PLPP5: variants seen among roughly 807,000 people sequenced by gnomAD.
PLPP5 encodes the protein phospholipid phosphatase 5.
A neutral mutation model predicts 23.6 loss-of-function variants in PLPP5; 29 were observed. The observed-to-expected ratio is 1.23, with a 90% confidence interval of 0.92 to 1.68. The LOEUF is 1.68. Among genes scored for constraint, PLPP5 ranks in the 40% most tolerant of loss-of-function variants. PLPP5 has a pLI of 0.00. For synonymous variants in PLPP5, 143 were observed against 131.3 expected (o/e 1.09, Z -0.61); for missense variants, 315 against 332.1 (o/e 0.95, Z 0.40).
intron 6 of PLPP5, chr8:38,265,039 C>T: frequency 1.2e-6 from 1 of 863,014 alleles, no homozygotes; most frequent in Non-Finnish European, 2.0e-6. Flanking sequence ...GAGGACCAGG[C>T]AGATGGATCC....
Position 38,267,897 on chromosome 8 carries a change from CT to C in PLPP5, c.337del (p.Arg113GlyfsTer15), listed in dbSNP as rs1316293115. 1 of 1,613,876 alleles carries C rather than the reference CT, an allele frequency of 6.2e-7. No individual in the cohort carries two copies. Among genetic ancestry groups the C allele is most frequent in the African/African-American group, 1.3e-5 (1 of 74,932 alleles). Reference protein sequence around the residue: ...FTNTIKLIVGRPRPDFFYRCF... With the variant: ...FTNTIKLIVGXPRPDFFYRCF... ...GGGGTGGTTAGCTGTTGTCACTTAC[CT>C]CCCTACGATCAGTTTTATTGTGTTG... is the stretch of plus-strand genomic sequence containing the variant. On this transcript the variant is annotated frameshift_variant and splice_region_variant, in exon 4 of 7. Coordinates refer to ENST00000424479, the MANE Select transcript of PLPP5 (RefSeq NM_001102559.2). LOFTEE classifies it high-confidence loss of function.
At chr8:38,267,497 C>T in intron 4 of PLPP5, 106 bp from the exon 5 acceptor site, 1 of 1,367,290 alleles carries the variant, frequency 7.3e-7, no homozygotes, top group Non-Finnish European at 1.0e-6. Flanking sequence ...AAATAGTGCC[C>T]CAGGCAAAAT....
chr8:38,266,406 A>G (rs899955970), intron 5 of PLPP5, 95 bp from the exon 6 acceptor site: 13 of 1,179,386 alleles, frequency 1.1e-5, no homozygotes, highest in Middle Eastern at 2.9e-4. Flanking sequence ...GTATGTTTTT[A>G]TTTATTTATT....
chr8:38,265,513 A>C, intron 6 of PLPP5: 1 of 151,558 alleles, frequency 6.6e-6, no homozygotes, highest in East Asian at 2.0e-4. Flanking sequence ...CTGGTCTTCA[A>C]CTCCTGACCT....
chr8:38,265,051 G>A (rs767044880), intron 6 of PLPP5: 30 of 799,218 alleles, frequency 3.8e-5, no homozygotes, highest in Non-Finnish European at 6.2e-5. Context: ...GATGGATCCC[G>A]AGGTCAGGAG....
At chr8:38,267,015 T>C in intron 5 of PLPP5, 3 of 1,381,968 alleles carry the variant, frequency 2.2e-6, no homozygotes, top group East Asian at 5.3e-5. Flanking sequence ...TAGTACAAGA[T>C]TGCAGGATCT....
At position 38,264,993 on chromosome 8, in the gene PLPP5, G is replaced by A. The variant is rs748146050; in HGVS notation, c.635-389C>T. 7 of 1,371,608 alleles carry A rather than the reference G, an allele frequency of 5.1e-6. No individual in the cohort carries two copies. The Admixed American group carries it at 8.4e-5, about 16-fold the overall frequency. The allele number at this position is 1,371,608 out of a possible 1,614,324, so 85.0% of individuals were successfully genotyped here. On this transcript the variant is annotated intron_variant, in intron 6 of 6. Transcript: ENST00000424479. The stretch of plus-strand genomic sequence containing the variant: ...TATTTTAAGAGTTGCTTCTCGCCGG[G>A]CACGGTGACTCACGCCTGTAATCCC...
Position 38,267,296 on chromosome 8 carries a change from C to A in PLPP5, c.434G>T (p.Arg145Leu), listed in dbSNP as rs1330506362. 1 of 1,613,884 alleles carries A rather than the reference C, an allele frequency of 6.2e-7. No individual in the cohort carries two copies. Among genetic ancestry groups the A allele is most frequent in the African/African-American group, 1.3e-5 (1 of 74,914 alleles). Residue 145 changes from arginine (R) to leucine (L), a missense_variant, in exon 5 of 7, where the codon CGA becomes CTA. Transcript: ENST00000424479. ...AGAATGTCCACTGGGGAAGCTCTTT[C>A]GGCCCTCATTCACCACGTCCTTATC... ...TGDKDVVNEG[R>L]KSFPSGHSSF... is the part of the protein sequence containing the mutation.
Position 38,264,137 on chromosome 8 carries a change from T to C in PLPP5, c.*307A>G, listed in dbSNP as rs540113617. ...GGAGGGCTAGTTCACCTGTTCTCTA[T>C]TGAGATAGATTCAATTTTTTTTTTT... On this transcript the variant is annotated 3_prime_UTR_variant, in exon 7 of 7. Coordinates refer to ENST00000424479, the MANE Select transcript of PLPP5 (RefSeq NM_001102559.2). The C allele has an allele frequency of 8.2e-5, 84 of 1,029,364 alleles. No individual in the cohort carries two copies. The African/African-American group carries it at 1.3e-3, about 16-fold the overall frequency. 63.8% of individuals were successfully genotyped at this position (1,029,364 alleles called of 1,614,324 possible). A position where few individuals can be genotyped will look rare whatever the true frequency, so the allele number is the denominator to read the frequency against.
Position 38,267,905 on chromosome 8 carries a change from G to T in PLPP5, c.330C>A (p.Ile110=). The part of the protein sequence containing the change: ...NGVFTNTIKL[I]VGRPRPDFFY... ...TAGCTGTTGTCACTTACCTCCCTAC[G>T]ATCAGTTTTATTGTGTTGGTAAAGA... Residue 110 remains isoleucine, a synonymous_variant, in exon 4 of 7, where the codon ATC becomes ATA. Coordinates refer to ENST00000424479, the MANE Select transcript of PLPP5 (RefSeq NM_001102559.2). 6.2e-7 allele frequency: 1 copy of T among 1,613,962 alleles called. No homozygotes were observed. The highest frequency in any genetic ancestry group is 1.1e-5 in the South Asian group (1 of 91,064).
chr8:38,266,338 T>C, intron 5 of PLPP5, 27 bp from the exon 6 acceptor site: 1 of 1,595,744 alleles, frequency 6.3e-7, no homozygotes, highest in African/African-American at 1.3e-5. Flanking sequence ...TTTTAAGTGG[T>C]TTGTCTTTTA....
chr8:38,263,552 G>A lies in PLPP5; in HGVS notation c.*892C>T, dbSNP rs1442917968. On this transcript the variant is annotated 3_prime_UTR_variant, in exon 7 of 7. Transcript: ENST00000424479. ...TTTTCACTTAGTAATTCAACAAATT[G>A]TTTATGCCCACGGTGTTCAAAATGC... 1.0e-6 allele frequency: 1 copy of A among 985,344 alleles called. No homozygotes were observed. The highest frequency in any genetic ancestry group is 1.2e-6 in the Non-Finnish European group (1 of 829,880). The allele number at this position is 985,344 out of a possible 1,614,324, so 61.0% of individuals were successfully genotyped here. A position where few individuals can be genotyped will look rare whatever the true frequency, so the allele number is the denominator to read the frequency against.
At chr8:38,267,832 A>T in intron 4 of PLPP5, 65 bp downstream of exon 4, 1 of 1,480,822 alleles carries the variant, frequency 6.8e-7, no homozygotes, top group Non-Finnish European at 9.4e-7. Context: ...GGACACCATT[A>T]ACCTCTCTGT....
At chr8:38,268,531 G>A in intron 2 of PLPP5, 70 bp from the exon 3 acceptor site, 2 of 1,537,400 alleles carry the variant, frequency 1.3e-6, no homozygotes, top group South Asian at 2.4e-5. Context: ...CAGGAAAGAG[G>A]GATGTGACAC....
Position 38,269,224 on chromosome 8 carries a change from T to A in PLPP5, c.-25A>T, listed in dbSNP as rs1808317359. 2.7e-6 allele frequency: 4 copies of A among 1,468,078 alleles called. No individual in the cohort carries two copies. The East Asian group carries it at 8.6e-5, about 32-fold the overall frequency. The allele number at this position is 1,468,078 out of a possible 1,614,324, so 90.9% of individuals were successfully genotyped here. The stretch of plus-strand genomic sequence containing the variant: ...TCCGGCCGCGAGCTCCGAGCGACGC[T>A]GCGCTGACGTGGCCACCTCCGCGGG... On this transcript the variant is annotated 5_prime_UTR_variant, in exon 1 of 7. Transcript: ENST00000424479.
chr8:38,266,311 A>T lies in PLPP5; in HGVS notation c.464T>A (p.Phe155Tyr), dbSNP rs766317294. ...RKSFPSGHSSFAFAGLAFASF... is the reference protein window; with the variant it reads ...RKSFPSGHSSYAFAGLAFASF... ...CGCAAAGGCCAGACCAGCAAATGCA[A>T]CTGGAACAAGAAAAACTTTTAAGTG... Residue 155 changes from phenylalanine (F) to tyrosine (Y), a missense_variant and splice_region_variant, in exon 6 of 7, where the codon TTT becomes TAT. Physicochemically the swap from Phe to Tyr is conservative, Grantham distance 22. Transcript: ENST00000424479. 7 of 1,610,542 alleles carry T rather than the reference A, an allele frequency of 4.3e-6. No individual in the cohort carries two copies. The highest frequency in any genetic ancestry group is 5.9e-6 in the Non-Finnish European group (7 of 1,178,094).
rs1237808037 is a variant in PLPP5 at position 38,263,865 on chromosome 8, A to G, written c.*579T>C. On this transcript the variant is annotated 3_prime_UTR_variant, in exon 7 of 7. Transcript: ENST00000424479. The stretch of plus-strand genomic sequence containing the variant: ...TGGCATTTAAATTAAATGTAAAAAC[A>G]CTGTAGATCTTCAGATATTAATCTG... 1 of 985,260 alleles carries G rather than the reference A, an allele frequency of 1.0e-6. No homozygotes were observed. The highest frequency in any genetic ancestry group is 1.2e-6 in the Non-Finnish European group (1 of 829,854). 61.0% of individuals were successfully genotyped at this position (985,260 alleles called of 1,614,324 possible).
intron 6 of PLPP5, 143 bp from the exon 7 acceptor site, chr8:38,264,747 T>G (rs1415654072): frequency 1.4e-6 from 2 of 1,450,252 alleles, no homozygotes; most frequent in Non-Finnish European, 1.8e-6. Context: ...GATTTCTAAA[T>G]AAAATCTTTT....
chr8:38,267,221 A>G, intron 5 of PLPP5, 46 bp downstream of exon 5: 2 of 1,613,750 alleles, frequency 1.2e-6, no homozygotes, highest in Non-Finnish European at 1.7e-6. Context: ...GTTAAATTCA[A>G]TGATGTGAAA....
Sources: gnomAD v4.1 joint callset for allele counts on GRCh38, gnomAD v4.1.1 for gene constraint, MANE v1.5 for transcripts, NCBI Gene and HGNC (gene_info 2026-07-23, HGNC 2026-07-21) for gene names.